Variants in GALNT15 observed in about 807,000 individuals in gnomAD.
GALNT15 encodes UDP-GalNAc transferase T15.
Under a neutral mutation model 66.8 loss-of-function variants are expected in GALNT15, and 67 were observed. That is an observed-to-expected ratio of 1.00 (90% CI 0.82 to 1.23). The LOEUF is 1.23. Ranked by LOEUF, GALNT15 falls within the 50% of genes most tolerant of loss-of-function variation. GALNT15 has a pLI of 0.00. For synonymous variants in GALNT15, 313 were observed against 311.5 expected (o/e 1.00, Z -0.05); for missense variants, 827 against 804.3 (o/e 1.03, Z -0.34).
chr3:16,246,062 CT>C, the GALNT15 span, among the ~76,000 whole-genome samples: 2 of 152,140 alleles, frequency 1.3e-5, no homozygotes, highest in Non-Finnish European at 2.9e-5. Context: ...ATGGACCTTG[CT>C]TTTTCAAGAG....
rs1358529679 is a variant in GALNT15 at position 16,183,754 on chromosome 3, G to A, written c.539+8064G>A. Among the ~76,000 whole-genome samples the A allele has an allele frequency of 6.6e-6, 1 of 152,158 alleles. No individual in the cohort carries two copies. Among genetic ancestry groups the A allele is most frequent in the Non-Finnish European group, 1.5e-5 (1 of 68,016 alleles). ...CCCCAAAACAGCTTTAGGAAACCTGGCAGAAACCTTTCTACTCTGGCCAGG... is the reference window on the plus strand; with the variant it reads ...CCCCAAAACAGCTTTAGGAAACCTGACAGAAACCTTTCTACTCTGGCCAGG... On this transcript the variant is annotated intron_variant, in intron 1 of 9. Coordinates refer to ENST00000339732, the MANE Select transcript of GALNT15 (RefSeq NM_054110.5). This position sits in a 1 kb window ranked among gnomAD's most constrained non-coding sequence, Gnocchi z 5.2.
At chr3:16,201,549 C>T (rs894150152) in intron 3 of GALNT15, among the ~76,000 whole-genome samples, 1 of 152,064 alleles carries the variant, frequency 6.6e-6, no homozygotes, top group African/African-American at 2.4e-5. Context: ...TACACTAGGC[C>T]GTAGATTACT....
At chr3:16,233,474 C>T (rs1045005266), downstream of GALNT15, among the ~76,000 whole-genome samples, 1 of 152,126 alleles carries the variant, frequency 6.6e-6, no homozygotes, top group Non-Finnish European at 1.5e-5. Flanking sequence ...CTTCCTCTTT[C>T]CCATTCTGTC....
In GALNT15 at chr3:16,228,070, C is replaced by A. The variant is rs963664811; in HGVS notation, c.*570C>A. The A allele has an allele frequency of 1.0e-5, 10 of 986,110 alleles. 1 individual carries two copies. In the African/African-American group the frequency reaches 1.7e-4, roughly 17 times the overall value. 61.1% of individuals were successfully genotyped at this position (986,110 alleles called of 1,614,324 possible). On this transcript the variant is annotated 3_prime_UTR_variant, in exon 10 of 10. Coordinates refer to ENST00000339732, the MANE Select transcript of GALNT15 (RefSeq NM_054110.5). ...GAGGTTTAGGATTGCAGAGAAGATG[C>A]AAGAGCACTTTGGCCCAATTCTCCA...
intron 1 of GALNT15, among the ~76,000 whole-genome samples, chr3:16,185,653 G>A (rs1023029405): frequency 2.6e-5 from 4 of 152,128 alleles, no homozygotes; most frequent in Non-Finnish European, 5.9e-5. Context: ...CTGATGGATC[G>A]CATGTTTTTC....
intron 6 of GALNT15, among the ~76,000 whole-genome samples, chr3:16,214,762 G>C (rs2063854782): frequency 6.6e-6 from 1 of 152,158 alleles, no homozygotes; most frequent in Non-Finnish European, 1.5e-5. Context: ...AAGAATGGCT[G>C]AATGGGTTCA....
chr3:16,218,349 G>A (rs1304353290), intron 6 of GALNT15, among the ~76,000 whole-genome samples: 1 of 152,098 alleles, frequency 6.6e-6, no homozygotes, highest in African/African-American at 2.4e-5. Context: ...GCCAGGAAAG[G>A]GTTCTCTCTT....
At position 16,222,694 on chromosome 3, in the gene GALNT15, T is replaced by C; in HGVS notation, c.1709T>C (p.Val570Ala). The change falls in exon 9 of 10, where the codon GTG becomes GCG. Residue 570 changes from valine (V) to alanine (A), a missense_variant. Physicochemically the swap from Val to Ala is moderately conservative, Grantham distance 64. Transcript: ENST00000339732. ...TGCTTTGCTGTCAGGCAGGAGCAGG[T>C]GATTCTTCAGAACTGCACGGAGGAA... is the stretch of plus-strand genomic sequence containing the variant. Reference protein sequence around the residue: ...HLCFAVRQEQVILQNCTEEGL... With the variant: ...HLCFAVRQEQAILQNCTEEGL... The C allele has an allele frequency of 6.2e-7, 1 of 1,614,208 alleles. No homozygotes were observed. The highest frequency in any genetic ancestry group is 8.5e-7 in the Non-Finnish European group (1 of 1,180,036).
At chr3:16,196,233 C>T (rs569677035) in intron 2 of GALNT15, among the ~76,000 whole-genome samples, 37 of 152,038 alleles carry the variant, frequency 2.4e-4, no homozygotes, top group Non-Finnish European at 4.9e-4. Flanking sequence ...CCACCCAGTC[C>T]AACAATCCTC....
chr3:16,243,962 G>C, the GALNT15 span: 3 of 982,774 alleles, frequency 3.1e-6, no homozygotes, highest in East Asian at 3.4e-4. Context: ...TAAGGAGCGG[G>C]CTCCAGTCAG....
rs71310326 is a variant in GALNT15, at chr3:16,181,010, G to T, written c.539+5320G>T. Among the ~76,000 whole-genome samples the T allele has an allele frequency of 0.17, 25,652 of 152,166 alleles. 2,352 individuals carry two copies. Among genetic ancestry groups the T allele is most frequent in the East Asian group, 0.27 (1,391 of 5,140 alleles). ...CCTTGCATAAGGTTGTAGAGAAAAT[G>T]AGACACAACGTGTGATGATTTTCCT... On this transcript the variant is annotated intron_variant, in intron 1 of 9. Coordinates refer to ENST00000339732, the MANE Select transcript of GALNT15 (RefSeq NM_054110.5). The surrounding 1 kb of genome is among the most constrained non-coding windows in gnomAD (Gnocchi z 5.9).
chr3:16,188,101 C>T lies in GALNT15; in HGVS notation c.540-7659C>T, dbSNP rs1287550370. 1.3e-5 allele frequency among the ~76,000 whole-genome samples: 2 copies of T among 152,178 alleles called. No individual in the cohort carries two copies. Among genetic ancestry groups the T allele is most frequent in the Non-Finnish European group, 2.9e-5 (2 of 68,032 alleles). On this transcript the variant is annotated intron_variant, in intron 1 of 9. Coordinates refer to ENST00000339732, the MANE Select transcript of GALNT15 (RefSeq NM_054110.5). The surrounding 1 kb of genome is among the most constrained non-coding windows in gnomAD (Gnocchi z 4.6). Reference sequence around the variant, plus strand: ...CCTGATGGAAGGTCGTCGTCCAGGGCATGTGGCACATCTAGCACATCTAGC... The same window carrying T: ...CCTGATGGAAGGTCGTCGTCCAGGGTATGTGGCACATCTAGCACATCTAGC...
At position 16,175,752 on chromosome 3, in the gene GALNT15, C is replaced by T. The variant is rs1420923527; in HGVS notation, c.539+62C>T. On this transcript the variant is annotated intron_variant, in intron 1 of 9. Transcript: ENST00000339732. The surrounding 1 kb of genome is among the most constrained non-coding windows in gnomAD (Gnocchi z 5.6). ...GGGCATGATCGGGTGGTAGCAAACTCGGGAATGCAAACTTTCCGTAGCCTG... is the reference window on the plus strand; with the variant it reads ...GGGCATGATCGGGTGGTAGCAAACTTGGGAATGCAAACTTTCCGTAGCCTG... 16 of 1,446,420 alleles carry T rather than the reference C, an allele frequency of 1.1e-5. No homozygotes were observed. The highest frequency in any genetic ancestry group is 9.3e-5 in the Admixed American group (4 of 42,848). 89.6% of individuals were successfully genotyped at this position (1,446,420 alleles called of 1,614,324 possible).
chr3:16,205,565 C>T (rs1418039799), intron 3 of GALNT15, among the ~76,000 whole-genome samples: 2 of 152,178 alleles, frequency 1.3e-5, no homozygotes, highest in Admixed American at 6.5e-5. Flanking sequence ...GAGGGACTGA[C>T]GAAGTAAGCA....
the GALNT15 span, among the ~76,000 whole-genome samples, chr3:16,237,367 C>A: frequency 6.6e-6 from 1 of 152,210 alleles, no homozygotes; most frequent in Non-Finnish European, 1.5e-5. This position sits in a 1 kb window ranked among gnomAD's most constrained non-coding sequence, Gnocchi z 4.2. Context: ...GGCTGTCCAG[C>A]CCATCATGCC....
rs2063793554 is a variant in GALNT15, at chr3:16,209,728, A to C, written c.1079+1058A>C. Among the ~76,000 whole-genome samples the C allele has an allele frequency of 6.6e-6, 1 of 152,184 alleles. No homozygotes were observed. ...TCCCAGTTACTTGGGAGGCTGAGGC[A>C]CAAGAATCACTGGAACCCAGGAGGC... On this transcript the variant is annotated intron_variant, in intron 4 of 9. Coordinates refer to ENST00000339732, the MANE Select transcript of GALNT15 (RefSeq NM_054110.5). The surrounding 1 kb of genome is among the most constrained non-coding windows in gnomAD (Gnocchi z 4.1).
downstream of GALNT15, among the ~76,000 whole-genome samples, chr3:16,236,174 C>T (rs1313350969): frequency 8.0e-6 from 1 of 124,666 alleles, no homozygotes; most frequent in Non-Finnish European, 1.6e-5. Context: ...GCCAGAGTAA[C>T]AGTGGTATGG....
rs1334019880 is a variant in GALNT15, at chr3:16,188,002, C to A, written c.540-7758C>A. ...TCAGTGTCAGATGTGGGAACAAGGG[C>A]CAGAGGAGAGAAGGGAGAGACTTGT... On this transcript the variant is annotated intron_variant, in intron 1 of 9. Transcript: ENST00000339732. The surrounding 1 kb of genome is among the most constrained non-coding windows in gnomAD (Gnocchi z 4.6). Among the ~76,000 whole-genome samples, 1 of 152,170 alleles carries A rather than the reference C, an allele frequency of 6.6e-6. No individual in the cohort carries two copies. The highest frequency in any genetic ancestry group is 1.5e-5 in the Non-Finnish European group (1 of 68,016).
At chr3:16,190,689 G>A (rs2063567634) in intron 1 of GALNT15, among the ~76,000 whole-genome samples, 1 of 148,634 alleles carries the variant, frequency 6.7e-6, no homozygotes, top group Non-Finnish European at 1.5e-5. Flanking sequence ...TTTCTTAAAA[G>A]CATCTAACAG....
Sources: gnomAD v4.1 joint callset for allele counts (sites outside exome capture counted in the v4.1 genomes callset) on GRCh38, gnomAD v4.1.1 for gene constraint, Gnocchi (gnomAD v3.1) non-coding constraint, MANE v1.5 for transcripts, NCBI Gene and HGNC (gene_info 2026-07-23, HGNC 2026-07-21) for gene names.